The following DLGAP1 variants were observed in gnomAD, a reference collection of about 807,000 sequenced individuals.
The protein encoded by DLGAP1 is disks large-associated protein 1.
Under a neutral mutation model 90.8 loss-of-function variants are expected in DLGAP1, and 11 were observed. That is an observed-to-expected ratio of 0.12 (90% CI 0.08 to 0.20). The LOEUF (loss-of-function observed/expected upper bound fraction) is 0.20. Ranked by LOEUF, DLGAP1 falls within the 10% of genes least tolerant of loss-of-function variation. DLGAP1 has a pLI of 1.00. For missense variants in DLGAP1, 1,050 were observed against 1,333.8 expected (o/e 0.79, Z 3.31); for synonymous variants, 558 against 540.7 (o/e 1.03, Z -0.44).
intron 4 of DLGAP1, among the ~76,000 whole-genome samples, chr18:3,842,803 G>A (rs2068794808): frequency 6.6e-6 from 1 of 152,072 alleles, no homozygotes; most frequent in Non-Finnish European, 1.5e-5. Flanking sequence ...ATAGGTTTTT[G>A]TGTCATGCCT....
At chr18:4,319,771 G>A (rs1464204498) in intron 1 of DLGAP1, among the ~76,000 whole-genome samples, 2 of 152,158 alleles carry the variant, frequency 1.3e-5, no homozygotes, top group African/African-American at 2.4e-5. Flanking sequence ...TCTGGCTTAG[G>A]CAATAGTCAC....
intron 7 of DLGAP1, among the ~76,000 whole-genome samples, chr18:3,657,431 C>T (rs2059530540): frequency 6.6e-6 from 1 of 152,020 alleles, no homozygotes; most frequent in South Asian, 2.1e-4. Context: ...GTGTCTGGTC[C>T]AACGTTGAGT....
At chr18:4,245,266 G>A (rs1568469032) in intron 1 of DLGAP1, among the ~76,000 whole-genome samples, 2 of 152,076 alleles carry the variant, frequency 1.3e-5, no homozygotes. Flanking sequence ...CATATTAATT[G>A]CTACTGATGT....
At chr18:3,650,199 T>A (rs1002458554) in intron 7 of DLGAP1, among the ~76,000 whole-genome samples, 47 of 152,256 alleles carry the variant, frequency 3.1e-4, no homozygotes, top group African/African-American at 1.1e-3. Flanking sequence ...CCTGCCATCA[T>A]GCCTGGCTAA....
intron 3 of DLGAP1, chr18:3,986,039 C>T (rs1268518050): frequency 1.3e-5 from 2 of 152,166 alleles, no homozygotes; most frequent in African/African-American, 4.8e-5. Context: ...CTTATAACAA[C>T]ACAGTCCTTC....
intron 1 of DLGAP1, among the ~76,000 whole-genome samples, chr18:4,156,440 G>A (rs998900101): frequency 1.3e-5 from 2 of 152,096 alleles, no homozygotes; most frequent in East Asian, 1.9e-4. Context: ...GTTTCCTGCC[G>A]TTATTTAAAA....
At chr18:4,202,476 A>AAAACT in intron 1 of DLGAP1, among the ~76,000 whole-genome samples, 1 of 152,322 alleles carries the variant, frequency 6.6e-6, no homozygotes, top group Non-Finnish European at 1.5e-5. Flanking sequence ...TTGTACCCCT[A>AAAACT]AAACTATTGA....
rs575272860 is a variant in DLGAP1 at position 3,647,568 on chromosome 18, C to T, written c.1592-65320G>A. 4.6e-5 allele frequency among the ~76,000 whole-genome samples: 7 copies of T among 151,596 alleles called. No individual in the cohort carries two copies. In the South Asian group the frequency reaches 1.0e-3, roughly 22 times the overall value. Reference sequence around the variant, plus strand: ...GCAACCTCCGCTTCTGGGGTTCAAGCGATTCTCCTGCCTTAGCCTCCCGAG... The same window carrying T: ...GCAACCTCCGCTTCTGGGGTTCAAGTGATTCTCCTGCCTTAGCCTCCCGAG... On this transcript the variant is annotated intron_variant, in intron 7 of 12. Coordinates refer to ENST00000315677, the MANE Select transcript of DLGAP1 (RefSeq NM_004746.4).
intron 7 of DLGAP1, among the ~76,000 whole-genome samples, chr18:3,635,987 C>T (rs1297148814): frequency 6.6e-6 from 1 of 151,540 alleles, no homozygotes; most frequent in Non-Finnish European, 1.5e-5. Context: ...CTCCTCATTT[C>T]CTAAAGAATG....
chr18:3,682,758 G>A (rs1206409243), intron 7 of DLGAP1, among the ~76,000 whole-genome samples: 1 of 152,170 alleles, frequency 6.6e-6, no homozygotes, highest in Non-Finnish European at 1.5e-5. Context: ...CTGGGTTCTA[G>A]GGAAAGCACT....
chr18:4,280,955 G>A (rs1272534313), intron 1 of DLGAP1: 1 of 152,122 alleles, frequency 6.6e-6, no homozygotes, highest in Non-Finnish European at 1.5e-5. Flanking sequence ...CATGGCCTTG[G>A]TGGAAATATA....
chr18:3,693,379 A>C (rs1433480613), intron 7 of DLGAP1, among the ~76,000 whole-genome samples: 1 of 152,234 alleles, frequency 6.6e-6, no homozygotes, highest in Non-Finnish European at 1.5e-5. Flanking sequence ...TACAGGCATC[A>C]GCCATAGTGT....
intron 7 of DLGAP1, among the ~76,000 whole-genome samples, chr18:3,600,662 A>G (rs1201355730): frequency 1.4e-5 from 2 of 145,114 alleles, no homozygotes; most frequent in East Asian, 2.0e-4. Flanking sequence ...ATAGATATCT[A>G]TAGAGATCTA....
intron 3 of DLGAP1, among the ~76,000 whole-genome samples, chr18:3,887,924 T>C (rs2071359450): frequency 6.6e-6 from 1 of 151,404 alleles, no homozygotes; most frequent in Admixed American, 6.6e-5. Flanking sequence ...CTGGCTAACA[T>C]GGTCAAACCC....
chr18:3,650,609 C>T (rs2059263853), intron 7 of DLGAP1, among the ~76,000 whole-genome samples: 1 of 152,194 alleles, frequency 6.6e-6, no homozygotes, highest in African/African-American at 2.4e-5. Flanking sequence ...TTTGCAGAAA[C>T]AAGTTTCTTG....
intron 2 of DLGAP1, among the ~76,000 whole-genome samples, chr18:4,086,211 T>C (rs1388556461): frequency 1.3e-5 from 2 of 151,946 alleles, no homozygotes; most frequent in African/African-American, 2.4e-5. Flanking sequence ...TGGATCAAAT[T>C]TGAGAAAAAG....
At chr18:4,002,775 T>C (rs1291799369) in intron 3 of DLGAP1, among the ~76,000 whole-genome samples, 2 of 152,170 alleles carry the variant, frequency 1.3e-5, no homozygotes, top group Admixed American at 1.3e-4. Flanking sequence ...TATTGTTTAA[T>C]CAGCATGGTC....
At chr18:3,522,100 T>TC (rs1285416577) in intron 10 of DLGAP1, among the ~76,000 whole-genome samples, 2 of 139,144 alleles carry the variant, frequency 1.4e-5, no homozygotes, top group African/African-American at 5.4e-5. Flanking sequence ...AAGTTTTGCC[T>TC]TTTTTTTTTT....
intron 1 of DLGAP1, chr18:4,293,466 A>G (rs571261303): frequency 4.6e-5 from 7 of 152,234 alleles, no homozygotes; most frequent in Admixed American, 1.3e-4. Flanking sequence ...TGCACTCCAA[A>G]ACAATACTGA....
Sources: gnomAD v4.1 joint callset for allele counts (sites outside exome capture counted in the v4.1 genomes callset) on GRCh38, gnomAD v4.1.1 for gene constraint, MANE v1.5 for transcripts, NCBI Gene and HGNC (gene_info 2026-07-23, HGNC 2026-07-21) for gene names.